The following HTRA1 variants were observed in gnomAD, a reference collection of about 807,000 sequenced individuals.
HTRA1 encodes HtrA serine peptidase 1, also known as serine protease HTRA1.
In HTRA1, 26 loss-of-function variants were observed where a neutral mutation model predicts 49.7. That is an observed-to-expected ratio of 0.52 (90% CI 0.38 to 0.73). HTRA1 has a LOEUF of 0.73. HTRA1 is among the 30% of genes least tolerant of loss of function. The pLI, the probability that HTRA1 is intolerant of heterozygous loss-of-function variation, is 0.00. For missense variants in HTRA1, 561 were observed against 667.2 expected (o/e 0.84, Z 1.75); for synonymous variants, 291 against 286.9 (o/e 1.01, Z -0.14).
Position 122,505,768 on chromosome 10 carries a change from G to A in HTRA1, c.778-923G>A, listed in dbSNP as rs149715727. ...TCCATGTTGTTCAGGGCAGCTGCTC[G>A]TTCTAAGTGAATAAAGGCTGAAGGA... On this transcript the variant is annotated intron_variant, in intron 3 of 8. Transcript: ENST00000368984. Among the ~76,000 whole-genome samples, 282 of 152,320 alleles carry A rather than the reference G, an allele frequency of 1.9e-3. 1 individual carries two copies. Among genetic ancestry groups the A allele is most frequent in the African/African-American group, 6.4e-3 (268 of 41,560 alleles).
At chr10:122,488,691 C>A (rs1490759370) in intron 1 of HTRA1, among the ~76,000 whole-genome samples, 1 of 152,202 alleles carries the variant, frequency 6.6e-6, no homozygotes, top group African/African-American at 2.4e-5. Flanking sequence ...AAGAGGTTAT[C>A]ATTAGTGGAT....
intron 6 of HTRA1, 28 bp from the exon 7 acceptor site, chr10:122,510,068 T>A (rs1327530922): frequency 6.2e-7 from 1 of 1,609,000 alleles, no homozygotes; most frequent in African/African-American, 1.3e-5. Flanking sequence ...TGGGCTGACC[T>A]TCTGCTGTCC....
chr10:122,485,589 C>G (rs2097492762), intron 1 of HTRA1, among the ~76,000 whole-genome samples: 1 of 152,182 alleles, frequency 6.6e-6, no homozygotes. Flanking sequence ...CTGGGCCTTC[C>G]AGTGGCCAGG....
intron 3 of HTRA1, among the ~76,000 whole-genome samples, chr10:122,491,565 C>T (rs1028170864): frequency 4.6e-5 from 7 of 152,234 alleles, no homozygotes; most frequent in African/African-American, 7.2e-5. Context: ...GTTTGGAATG[C>T]GTGGGCACAT....
intron 3 of HTRA1, among the ~76,000 whole-genome samples, chr10:122,495,395 A>AG (rs1204018460): frequency 1.2e-4 from 18 of 152,122 alleles, no homozygotes; most frequent in Non-Finnish European, 1.9e-4. Flanking sequence ...TACCATTTTT[A>AG]GGGGGACGGG....
intron 3 of HTRA1, among the ~76,000 whole-genome samples, chr10:122,496,225 GTTCTTTTTTTTTTTTTTTTT>G (rs1347828269): frequency 2.6e-4 from 21 of 80,408 alleles, no homozygotes; most frequent in East Asian, 2.3e-3. Flanking sequence ...GAGATTGTGG[GTTCTTTTTTTTTTTTTTTTT>G]TTTTTTTTTT....
intron 3 of HTRA1, among the ~76,000 whole-genome samples, chr10:122,492,479 G>A (rs1008758992): frequency 2.6e-5 from 4 of 152,110 alleles, no homozygotes; most frequent in East Asian, 1.9e-4. Context: ...GACTACAGGC[G>A]TGCACCACCA....
At position 122,467,343 on chromosome 10, in the gene HTRA1, C is replaced by T. The variant is rs750858028; in HGVS notation, c.472+5219C>T. On this transcript the variant is annotated intron_variant, in intron 1 of 8. Coordinates refer to ENST00000368984, the MANE Select transcript of HTRA1 (RefSeq NM_002775.5). ...TTACCTGACCAGGTAACAGCTCCCT[C>T]GACCTCTCGGAGCCTCGGCAGTGAG... 3.3e-4 allele frequency among the ~76,000 whole-genome samples: 50 copies of T among 152,108 alleles called. 1 individual carries two copies. The highest frequency in any genetic ancestry group is 2.9e-5 in the Non-Finnish European group (2 of 68,018).
At chr10:122,472,115 T>A (rs966205477) in intron 1 of HTRA1, among the ~76,000 whole-genome samples, 4 of 152,264 alleles carry the variant, frequency 2.6e-5, no homozygotes, top group East Asian at 3.9e-4. Flanking sequence ...GATGCTTTCA[T>A]GTCTTTTCAG....
In HTRA1 at chr10:122,489,665, G is replaced by A. The variant is rs749068446; in HGVS notation, c.777+39G>A. 1.1e-5 allele frequency: 18 copies of A among 1,579,486 alleles called. No individual in the cohort carries two copies. The Admixed American group carries it at 1.5e-4, about 13-fold the overall frequency. ...CGCCTGCAGAGGTGAGTTCTCAGATGCCCCGGAACACCCTTGGCAAAGGCA... is the reference window on the plus strand; with the variant it reads ...CGCCTGCAGAGGTGAGTTCTCAGATACCCCGGAACACCCTTGGCAAAGGCA... On this transcript the variant is annotated intron_variant, in intron 3 of 8. Coordinates refer to ENST00000368984, the MANE Select transcript of HTRA1 (RefSeq NM_002775.5).
At chr10:122,501,763 T>G (rs933912102) in intron 3 of HTRA1, among the ~76,000 whole-genome samples, 1 of 152,056 alleles carries the variant, frequency 6.6e-6, no homozygotes, top group African/African-American at 2.4e-5. Context: ...TTCCACAGCA[T>G]GGTCATGGAC....
In HTRA1 at chr10:122,490,973, G is replaced by C. The variant is rs2097495527; in HGVS notation, c.777+1347G>C. ...GGCCAGGCATGGCCGAAGAGGCTCTGGGTAGATATAGGCTCTGTGCCCGGT... is the reference window on the plus strand; with the variant it reads ...GGCCAGGCATGGCCGAAGAGGCTCTCGGTAGATATAGGCTCTGTGCCCGGT... On this transcript the variant is annotated intron_variant, in intron 3 of 8. Transcript: ENST00000368984. The surrounding 1 kb of genome is among the most constrained non-coding windows in gnomAD (Gnocchi z 4.2). Among the ~76,000 whole-genome samples the C allele has an allele frequency of 6.6e-6, 1 of 152,186 alleles. No individual in the cohort carries two copies. The highest frequency in any genetic ancestry group is 2.4e-5 in the African/African-American group (1 of 41,436).
At chr10:122,472,973 A>G (rs1190956180) in intron 1 of HTRA1, among the ~76,000 whole-genome samples, 1 of 152,194 alleles carries the variant, frequency 6.6e-6, no homozygotes, top group Non-Finnish European at 1.5e-5. Context: ...CTAGAATTTC[A>G]ACCTCGTAAG....
intron 3 of HTRA1, among the ~76,000 whole-genome samples, chr10:122,499,141 C>T (rs567811484): frequency 6.6e-6 from 1 of 152,212 alleles, no homozygotes; most frequent in East Asian, 1.9e-4. Context: ...GACACAGAAG[C>T]GGCAGTGTCC....
chr10:122,469,596 G>T (rs751317768), intron 1 of HTRA1, among the ~76,000 whole-genome samples: 2 of 152,232 alleles, frequency 1.3e-5, no homozygotes, highest in African/African-American at 2.4e-5. Flanking sequence ...CTGCCACTGG[G>T]TGCTCTGTGG....
chr10:122,483,190 T>TAAG (rs2133434313), intron 1 of HTRA1, among the ~76,000 whole-genome samples: 2 of 152,304 alleles, frequency 1.3e-5, no homozygotes, highest in African/African-American at 4.8e-5. Flanking sequence ...TGAAAGTAAT[T>TAAG]AAGAAGTATT....
intron 3 of HTRA1, among the ~76,000 whole-genome samples, chr10:122,493,915 G>A (rs1376006975): frequency 6.6e-6 from 1 of 151,124 alleles, no homozygotes; most frequent in Admixed American, 6.6e-5. Context: ...CACAGGCCAG[G>A]GCTGTCCCCT....
At chr10:122,500,308 A>C (rs999518179) in intron 3 of HTRA1, among the ~76,000 whole-genome samples, 1 of 152,242 alleles carries the variant, frequency 6.6e-6, no homozygotes, top group East Asian at 1.9e-4. Context: ...GAAAAAGGGG[A>C]TTTATTGGGG....
chr10:122,485,014 G>A (rs1009625861), intron 1 of HTRA1, among the ~76,000 whole-genome samples: 1 of 152,232 alleles, frequency 6.6e-6, no homozygotes, highest in African/African-American at 2.4e-5. Context: ...GCCAGCCAGG[G>A]TGTCTGTAGA....
Sources: gnomAD v4.1 joint callset for allele counts (sites outside exome capture counted in the v4.1 genomes callset) on GRCh38, gnomAD v4.1.1 for gene constraint, Gnocchi (gnomAD v3.1) non-coding constraint, MANE v1.5 for transcripts, NCBI Gene and HGNC (gene_info 2026-07-23, HGNC 2026-07-21) for gene names.